FSTL4: variants seen among roughly 807,000 people sequenced by gnomAD.
The protein encoded by FSTL4 is follistatin-related protein 4.
Under a neutral mutation model 78.2 loss-of-function variants are expected in FSTL4, and 28 were observed. That is an observed-to-expected ratio of 0.36 (90% CI 0.27 to 0.49). FSTL4 has a LOEUF of 0.49. Among genes scored for constraint, FSTL4 ranks in the 20% least tolerant of loss-of-function variants. The pLI is 0.98. For synonymous variants in FSTL4, 422 were observed against 440.5 expected (o/e 0.96, Z 0.53); for missense variants, 922 against 1,084.9 (o/e 0.85, Z 2.11).
chr5:133,628,355 TC>T, the FSTL4 span, among the ~76,000 whole-genome samples: 18 of 145,832 alleles, frequency 1.2e-4, no homozygotes, highest in African/African-American at 4.4e-4. Context: ...TCTTTTCTTT[TC>T]TTTTCTTTTC....
At chr5:133,451,405 A>C (rs1757381787) in intron 3 of FSTL4, among the ~76,000 whole-genome samples, 2 of 152,066 alleles carry the variant, frequency 1.3e-5, no homozygotes, top group South Asian at 4.2e-4. Flanking sequence ...TACTAAAAAA[A>C]AAAAAATTAG....
At chr5:133,282,681 C>A (rs1478095559) in intron 6 of FSTL4, among the ~76,000 whole-genome samples, 5 of 152,062 alleles carry the variant, frequency 3.3e-5, no homozygotes, top group Non-Finnish European at 7.4e-5. Context: ...TGAACAGAGA[C>A]CTGAGTTGCT....
chr5:133,648,246 T>C, the FSTL4 span, among the ~76,000 whole-genome samples: 3 of 152,054 alleles, frequency 2.0e-5, no homozygotes, highest in African/African-American at 7.2e-5. Flanking sequence ...TGATAGAAAA[T>C]ACAAATTAAA....
At chr5:133,736,577 G>A in the FSTL4 span, among the ~76,000 whole-genome samples, 1 of 152,158 alleles carries the variant, frequency 6.6e-6, no homozygotes, top group East Asian at 1.9e-4. Context: ...CACCAACCTG[G>A]ATGCACAAGG....
At chr5:133,831,191 G>A in the FSTL4 span, among the ~76,000 whole-genome samples, 12,361 of 152,132 alleles carry the variant, frequency 0.081, 688 homozygotes, top group Admixed American at 0.14. Context: ...TGTCCTAGAG[G>A]TAGCAAGAGA....
chr5:133,493,783 A>C (rs1758316828), intron 3 of FSTL4, among the ~76,000 whole-genome samples: 1 of 152,202 alleles, frequency 6.6e-6, no homozygotes, highest in South Asian at 2.1e-4. Context: ...TCATATATTT[A>C]GAAAAATAAA....
intron 11 of FSTL4, among the ~76,000 whole-genome samples, chr5:133,222,633 C>T (rs1173669140): frequency 6.6e-6 from 1 of 152,174 alleles, no homozygotes; most frequent in Non-Finnish European, 1.5e-5. Flanking sequence ...GGGCTGAGTG[C>T]AGTACCTTGG....
chr5:133,489,998 G>C (rs1436724045), intron 3 of FSTL4, among the ~76,000 whole-genome samples: 1 of 152,164 alleles, frequency 6.6e-6, no homozygotes, highest in Non-Finnish European at 1.5e-5. Context: ...TGACTGCCAG[G>C]AAACATCTCA....
chr5:133,281,307 A>C (rs112026329), intron 6 of FSTL4, among the ~76,000 whole-genome samples: 47 of 152,254 alleles, frequency 3.1e-4, no homozygotes, highest in African/African-American at 1.0e-3. Context: ...TGTTGCCTGA[A>C]ACCCTTTTCC....
At chr5:133,713,135 G>C in the FSTL4 span, among the ~76,000 whole-genome samples, 1 of 152,246 alleles carries the variant, frequency 6.6e-6, no homozygotes, top group Non-Finnish European at 1.5e-5. Context: ...AAAACCCATA[G>C]TGAAAGGTGA....
At chr5:133,746,011 A>G in the FSTL4 span, among the ~76,000 whole-genome samples, 1 of 152,138 alleles carries the variant, frequency 6.6e-6, no homozygotes, top group African/African-American at 2.4e-5. Context: ...CCTTTCAAAG[A>G]AGGACTCATT....
chr5:133,370,707 G>T (rs1400680525), intron 4 of FSTL4, among the ~76,000 whole-genome samples: 1 of 152,126 alleles, frequency 6.6e-6, no homozygotes, highest in East Asian at 1.9e-4. Context: ...CGGTGCTGTG[G>T]GAAGTGGGGA....
chr5:133,516,463 A>G (rs990491076), intron 3 of FSTL4, among the ~76,000 whole-genome samples: 1 of 152,254 alleles, frequency 6.6e-6, no homozygotes, highest in African/African-American at 2.4e-5. Flanking sequence ...CAAAACACCT[A>G]TGAAGAAAAT....
the FSTL4 span, among the ~76,000 whole-genome samples, chr5:133,811,535 TG>T: frequency 2.2e-3 from 342 of 152,350 alleles, no homozygotes; most frequent in African/African-American, 7.8e-3. Context: ...TGAGCCGCCT[TG>T]GGCCTGAGAA....
chr5:133,821,044 T>G, the FSTL4 span, among the ~76,000 whole-genome samples: 1 of 152,264 alleles, frequency 6.6e-6, no homozygotes, highest in South Asian at 2.1e-4. Context: ...CTTGTTATAA[T>G]GTATCCCTTT....
intron 3 of FSTL4, among the ~76,000 whole-genome samples, chr5:133,531,071 G>A (rs759074603): frequency 3.3e-5 from 5 of 152,198 alleles, no homozygotes; most frequent in Admixed American, 2.0e-4. Flanking sequence ...CTTCTTTGCC[G>A]GGAGAGCGAA....
the FSTL4 span, among the ~76,000 whole-genome samples, chr5:133,704,036 G>T: frequency 6.6e-6 from 1 of 152,296 alleles, no homozygotes; most frequent in Non-Finnish European, 1.5e-5. Context: ...CGGATGTGAG[G>T]CTGGGCTGTC....
At chr5:133,306,355 G>A (rs919596239) in intron 6 of FSTL4, among the ~76,000 whole-genome samples, 1 of 152,192 alleles carries the variant, frequency 6.6e-6, no homozygotes, top group Admixed American at 6.6e-5. Context: ...AGGTAATTAC[G>A]CAGCCTGCCA....
chr5:133,289,695 G>T (rs890228042), intron 6 of FSTL4, among the ~76,000 whole-genome samples: 4 of 152,186 alleles, frequency 2.6e-5, no homozygotes, highest in African/African-American at 9.7e-5. Flanking sequence ...GCCTGTCCTG[G>T]CACAGATGTA....
Sources: allele counts gnomAD v4.1 joint callset (sites outside exome capture counted in the v4.1 genomes callset), GRCh38; gene constraint gnomAD v4.1.1; transcripts MANE v1.5; gene names NCBI Gene and HGNC (gene_info 2026-07-23, HGNC 2026-07-21).